The following SRP19 variants were observed in gnomAD, a reference collection of about 807,000 sequenced individuals.
SRP19 encodes signal recognition particle 19, also known as signal recognition particle 19 kDa protein.
SRP19 carries 11 observed loss-of-function variants against 22.4 expected under a neutral mutation model. That is an observed-to-expected ratio of 0.49 (90% CI 0.31 to 0.81). The LOEUF (loss-of-function observed/expected upper bound fraction) is 0.81. Among genes scored for constraint, SRP19 ranks in the 40% least tolerant of loss-of-function variants. SRP19 has a pLI of 0.05. For missense variants in SRP19, 168 were observed against 175.9 expected, an observed-to-expected ratio of 0.96 and a Z score of 0.25; for synonymous variants, 61 against 57.6, an observed-to-expected ratio of 1.06 and a Z score of -0.27.
chr5:112,895,817 C>T (rs950239726), downstream of SRP19: 2 of 152,222 alleles, frequency 1.3e-5, no homozygotes, highest in African/African-American at 2.4e-5. Flanking sequence ...AGATCTGGCT[C>T]TTTTCAATCA....
At chr5:112,875,777 T>G (rs569881934) in intron 4 of SRP19, among the ~76,000 whole-genome samples, 92 of 151,358 alleles carry the variant, frequency 6.1e-4, no homozygotes, top group Non-Finnish European at 1.2e-3. Context: ...CCAGGCGCGG[T>G]GGCTCATGCC....
downstream of SRP19, among the ~76,000 whole-genome samples, chr5:112,873,291 T>TTTTTTTTTC (rs1767800355): frequency 7.1e-6 from 1 of 140,916 alleles, no homozygotes; most frequent in Non-Finnish European, 1.5e-5. Context: ...TTTTTTTTTT[T>TTTTTTTTTC]CTTTTTTGCC....
chr5:112,886,032 C>T (rs1768232762), intron 4 of SRP19, among the ~76,000 whole-genome samples: 1 of 152,222 alleles, frequency 6.6e-6, no homozygotes, highest in South Asian at 2.1e-4. Context: ...GACATGGCCT[C>T]TCCACTTGGT....
chr5:112,891,512 A>C, intron 4 of SRP19: 2 of 1,353,654 alleles, frequency 1.5e-6, no homozygotes, highest in Non-Finnish European at 2.0e-6. Context: ...ATAAGTATGC[A>C]AACAAAACAA....
intron 4 of SRP19, among the ~76,000 whole-genome samples, chr5:112,884,544 A>G (rs1274628608): frequency 6.6e-6 from 1 of 151,884 alleles, no homozygotes; most frequent in Non-Finnish European, 1.5e-5. Flanking sequence ...CGTCCGGCTA[A>G]TTTTTAAATT....
chr5:112,896,507 G>A (rs1206173287), downstream of SRP19: 1 of 152,030 alleles, frequency 6.6e-6, no homozygotes, highest in Non-Finnish European at 1.5e-5. Context: ...CAGCCTGAGT[G>A]AAATAGCGAA....
rs188836069 is a variant in SRP19, at chr5:112,879,462, A to G, written c.302-12141A>G. 4.6e-3 allele frequency among the ~76,000 whole-genome samples: 696 copies of G among 152,114 alleles called. 7 individuals are homozygous for G. The highest frequency in any genetic ancestry group is 0.016 in the African/African-American group (671 of 41,518). ...TTCCATATAACCTATGTGCTTTCAT[A>G]TACTTTATTTATTTACTTATTTATT... is the stretch of plus-strand genomic sequence containing the variant. On this transcript the variant is annotated intron_variant, in intron 4 of 4. Transcript: ENST00000391338.
At chr5:112,883,362 TCTTA>T (rs1768135216) in intron 4 of SRP19, among the ~76,000 whole-genome samples, 2 of 152,212 alleles carry the variant, frequency 1.3e-5, no homozygotes, top group African/African-American at 4.8e-5. Context: ...TCAGTCCTTA[TCTTA>T]CTTGACCTGT....
intron 4 of SRP19, among the ~76,000 whole-genome samples, chr5:112,887,338 T>C (rs1227038669): frequency 6.6e-6 from 1 of 152,158 alleles, no homozygotes; most frequent in Non-Finnish European, 1.5e-5. Flanking sequence ...AGGTGGGCTT[T>C]CTTTAGATGG....
At chr5:112,875,313 T>C (rs1767868458) in intron 4 of SRP19, among the ~76,000 whole-genome samples, 2 of 152,154 alleles carry the variant, frequency 1.3e-5, no homozygotes, top group East Asian at 3.8e-4. Flanking sequence ...AAAAAGCAGA[T>C]GTAGGTGACC....
intron 4 of SRP19, chr5:112,876,806 T>G (rs1471954742): frequency 6.6e-6 from 1 of 151,988 alleles, no homozygotes; most frequent in African/African-American, 2.4e-5. Context: ...ACAGTTAACT[T>G]AAATTTTGGT....
chr5:112,862,552 T>A lies in SRP19; in HGVS notation c.86T>A (p.Ile29Asn), dbSNP rs1453890211. 1 of 1,614,014 alleles carries A rather than the reference T, an allele frequency of 6.2e-7. No individual in the cohort carries two copies. ...GCTTATTTAAATAATAAGAAGACCA[T>A]CGCAGAGGGAAGGCGAATCCCCATA... is the stretch of plus-strand genomic sequence containing the variant. ...YPAYLNNKKT[I>N]AEGRRIPISK... The change falls in exon 2 of 5, where the codon ATC (isoleucine) becomes AAC (asparagine). Residue 29 changes from isoleucine to asparagine, a missense_variant. Ile to Asn is a moderately radical substitution (Grantham distance 149). Coordinates refer to ENST00000505459, the MANE Select transcript of SRP19 (RefSeq NM_003135.3).
chr5:112,889,159 C>T (rs1383394701), intron 4 of SRP19, among the ~76,000 whole-genome samples: 3 of 150,714 alleles, frequency 2.0e-5, no homozygotes. Context: ...TGCCCAGTCT[C>T]GGCTATGTCT....
chr5:112,878,697 A>C, intron 4 of SRP19: 1 of 1,533,102 alleles, frequency 6.5e-7, no homozygotes, highest in South Asian at 1.2e-5. Flanking sequence ...AGGCAACATT[A>C]TTAAAATAAT....
chr5:112,865,668 A>G (rs909327376), intron 4 of SRP19, among the ~76,000 whole-genome samples: 2 of 151,192 alleles, frequency 1.3e-5, no homozygotes, highest in Non-Finnish European at 2.9e-5. Context: ...ATCTCAGCTC[A>G]CTGCAACCTC....
chr5:112,874,750 T>A (rs1490935563), downstream of SRP19, among the ~76,000 whole-genome samples: 3 of 150,548 alleles, frequency 2.0e-5, no homozygotes, highest in Non-Finnish European at 4.4e-5. Flanking sequence ...TCCATCCCCA[T>A]CCTCCATCAG....
intron 4 of SRP19, among the ~76,000 whole-genome samples, chr5:112,883,760 G>A (rs1262071883): frequency 6.6e-6 from 1 of 151,976 alleles, no homozygotes; most frequent in Non-Finnish European, 1.5e-5. Context: ...AAATGTCCAG[G>A]ACTAAATTCC....
chr5:112,867,574 G>A lies in SRP19; in HGVS notation c.*37G>A, dbSNP rs1767648344. On this transcript the variant is annotated 3_prime_UTR_variant, in exon 5 of 5. Coordinates refer to ENST00000505459, the MANE Select transcript of SRP19 (RefSeq NM_003135.3). The stretch of plus-strand genomic sequence containing the variant: ...CATCAAGTATGTGGTACTACTGTAA[G>A]AGACATGAATGGAGACTTCTAATTT... 2.6e-6 allele frequency: 4 copies of A among 1,549,732 alleles called. No homozygotes were observed. Among genetic ancestry groups the A allele is most frequent in the Admixed American group, 2.0e-5 (1 of 49,394 alleles).
chr5:112,897,507 T>C (rs1385864519), downstream of SRP19: 2 of 152,168 alleles, frequency 1.3e-5, no homozygotes, highest in East Asian at 1.9e-4. Flanking sequence ...AATAAAGGAA[T>C]GAGCATATGT....
Sources: gnomAD v4.1 joint callset for allele counts (sites outside exome capture counted in the v4.1 genomes callset) on GRCh38, gnomAD v4.1.1 for gene constraint, MANE v1.5 for transcripts, NCBI Gene and HGNC (gene_info 2026-07-23, HGNC 2026-07-21) for gene names.